The following AKIRIN2 variants were observed in gnomAD, a reference collection of about 807,000 sequenced individuals.
AKIRIN2 encodes the protein akirin 2, also known as akirin-2.
Under a neutral mutation model 29.3 loss-of-function variants are expected in AKIRIN2, and 6 were observed. That is an observed-to-expected ratio of 0.20 (90% CI 0.11 to 0.40). The LOEUF is 0.40. Ranked by LOEUF, AKIRIN2 falls within the 10% of genes least tolerant of loss-of-function variation. AKIRIN2 has a pLI of 1.00. For missense variants in AKIRIN2, 210 were observed against 276.1 expected, an observed-to-expected ratio of 0.76 and a Z score of 1.70; for synonymous variants, 128 against 117.5, an observed-to-expected ratio of 1.09 and a Z score of -0.58.
intron 3 of AKIRIN2, 131 bp from the exon 4 acceptor site, chr6:87,676,062 A>AT (rs1345365221): frequency 2.9e-5 from 20 of 680,512 alleles, no homozygotes; most frequent in Middle Eastern, 8.2e-4. Context: ...AGTAGTACTA[A>AT]TAGTGTATCA....
chr6:87,694,929 T>G (rs1318524430), intron 1 of AKIRIN2, among the ~76,000 whole-genome samples: 1 of 152,188 alleles, frequency 6.6e-6, no homozygotes, highest in African/African-American at 2.4e-5. Context: ...GCTGAAAAAC[T>G]AACATCCACT....
In AKIRIN2 at chr6:87,677,809, A is replaced by T. The variant is rs1451776729; in HGVS notation, c.529+9T>A. Reference sequence around the variant, plus strand: ...GTTCCTCAGAAACTCTAATAAACACACCTCATACCTGCAAGTTTTGTGTTC... The same window carrying T: ...GTTCCTCAGAAACTCTAATAAACACTCCTCATACCTGCAAGTTTTGTGTTC... On this transcript the variant is annotated intron_variant, in intron 3 of 4. Transcript: ENST00000257787. The T allele has an allele frequency of 1.2e-6, 2 of 1,611,032 alleles. No homozygotes were observed. The highest frequency in any genetic ancestry group is 2.7e-5 in the African/African-American group (2 of 74,792).
Position 87,701,445 on chromosome 6 carries a change from C to A in AKIRIN2, c.235+5G>T. 6.5e-7 allele frequency: 1 copy of A among 1,531,450 alleles called. No homozygotes were observed. The highest frequency in any genetic ancestry group is 1.2e-5 in the South Asian group (1 of 83,544). The allele number at this position is 1,531,450 out of a possible 1,614,324, so 94.9% of individuals were successfully genotyped here. ...TACCCCGGCGGCCGCGGGGCCGGGT[C>A]CCACCTGTGGTGAGGCGGGAGGAGA... On this transcript the variant is annotated splice_donor_5th_base_variant and intron_variant, in intron 1 of 4. Coordinates refer to ENST00000257787, the MANE Select transcript of AKIRIN2 (RefSeq NM_018064.4).
intron 1 of AKIRIN2, among the ~76,000 whole-genome samples, chr6:87,699,710 T>C (rs1771426891): frequency 6.6e-6 from 1 of 152,202 alleles, no homozygotes; most frequent in Non-Finnish European, 1.5e-5. Context: ...GATATGCCAA[T>C]GAAAAGTCGT....
chr6:87,695,842 A>C (rs932745063), intron 1 of AKIRIN2, among the ~76,000 whole-genome samples: 1 of 152,194 alleles, frequency 6.6e-6, no homozygotes, highest in East Asian at 1.9e-4. Flanking sequence ...TTCAAAACGA[A>C]AGCTTTCTAT....
chr6:87,696,733 C>T (rs1473807446), intron 1 of AKIRIN2, among the ~76,000 whole-genome samples: 1 of 146,592 alleles, frequency 6.8e-6, no homozygotes, highest in East Asian at 2.0e-4. Flanking sequence ...GGAGGCCAGG[C>T]GCGGTGGCTC....
At chr6:87,691,820 T>C (rs1006465874) in intron 1 of AKIRIN2, among the ~76,000 whole-genome samples, 1 of 152,226 alleles carries the variant, frequency 6.6e-6, no homozygotes, top group Non-Finnish European at 1.5e-5. Context: ...AGGAGCTGCT[T>C]GAGGCATGTC....
At chr6:87,680,772 C>CT (rs56332105) in intron 2 of AKIRIN2, among the ~76,000 whole-genome samples, 7 of 99,248 alleles carry the variant, frequency 7.1e-5, no homozygotes, top group South Asian at 3.5e-4. Flanking sequence ...CGCCCCCCCC[C>CT]TTTTTTTTTT....
intron 2 of AKIRIN2, among the ~76,000 whole-genome samples, chr6:87,681,087 G>C (rs1237667880): frequency 6.6e-6 from 1 of 152,052 alleles, no homozygotes; most frequent in Non-Finnish European, 1.5e-5. Context: ...GCCCAAGCTG[G>C]AGTGCAGTGG....
At chr6:87,677,709 C>T in intron 3 of AKIRIN2, 109 bp downstream of exon 3, 1 of 1,312,930 alleles carries the variant, frequency 7.6e-7, no homozygotes, top group Admixed American at 2.3e-5. Context: ...TTTTCTCATT[C>T]TCAGAGAATA....
chr6:87,690,088 C>T (rs1771254737), intron 1 of AKIRIN2, among the ~76,000 whole-genome samples: 1 of 151,910 alleles, frequency 6.6e-6, no homozygotes. Context: ...TGGCAGGAGC[C>T]TGTAATCCCA....
intron 2 of AKIRIN2, among the ~76,000 whole-genome samples, chr6:87,678,263 C>T (rs912009935): frequency 5.3e-5 from 8 of 152,000 alleles, no homozygotes; most frequent in Admixed American, 3.3e-4. Context: ...GTAATCAGGC[C>T]GAGGTGGGCG....
In AKIRIN2 at chr6:87,677,935, T is replaced by G; in HGVS notation, c.412A>C (p.Lys138Gln). ...TSSAASSPLKKEQPLFTLRQV... is the reference protein window; with the variant it reads ...TSSAASSPLKQEQPLFTLRQV... ...CGTAGAGTAAATAAGGGCTGTTCTT[T>G]TTTTAATGGTGAGGATGCTGCAGAT... Residue 138 changes from lysine (K) to glutamine (Q), a missense_variant, in exon 3 of 5, where the codon AAA becomes CAA. Lys to Gln is a moderately conservative substitution (Grantham distance 53). Coordinates refer to ENST00000257787, the MANE Select transcript of AKIRIN2 (RefSeq NM_018064.4). 5 of 1,614,046 alleles carry G rather than the reference T, an allele frequency of 3.1e-6. No homozygotes were observed. The highest frequency in any genetic ancestry group is 4.2e-6 in the Non-Finnish European group (5 of 1,179,978).
chr6:87,687,745 T>C (rs1428035480), intron 1 of AKIRIN2, among the ~76,000 whole-genome samples: 1 of 152,234 alleles, frequency 6.6e-6, no homozygotes, highest in Non-Finnish European at 1.5e-5. Context: ...ACCTCCAGCT[T>C]ATATTACACT....
chr6:87,698,587 T>C (rs1217978562), intron 1 of AKIRIN2, among the ~76,000 whole-genome samples: 1 of 152,330 alleles, frequency 6.6e-6, no homozygotes, highest in South Asian at 2.1e-4. Flanking sequence ...CTGAACAGCA[T>C]TTCTGAATTA....
chr6:87,679,254 T>C (rs934716030), intron 2 of AKIRIN2, among the ~76,000 whole-genome samples: 3 of 151,976 alleles, frequency 2.0e-5, no homozygotes, highest in Non-Finnish European at 4.4e-5. Flanking sequence ...GAACCTAGCT[T>C]GTGTGGTGGC....
intron 1 of AKIRIN2, among the ~76,000 whole-genome samples, chr6:87,697,838 A>G (rs534259628): frequency 1.6e-3 from 241 of 152,364 alleles, no homozygotes; most frequent in Non-Finnish European, 3.0e-3. Flanking sequence ...AGGCAGATTA[A>G]TGGTACCAAG....
intron 1 of AKIRIN2, among the ~76,000 whole-genome samples, chr6:87,694,153 G>A (rs1034576031): frequency 9.2e-5 from 14 of 152,044 alleles, no homozygotes; most frequent in Admixed American, 9.2e-4. Context: ...TTTTGAGGGA[G>A]TTTTACAAGA....
chr6:87,694,652 T>C (rs1196290994), intron 1 of AKIRIN2, among the ~76,000 whole-genome samples: 2 of 152,166 alleles, frequency 1.3e-5, no homozygotes, highest in Admixed American at 6.5e-5. Flanking sequence ...AAAATCACAA[T>C]AGCCACTAGT....
Sources: gnomAD v4.1 joint callset for allele counts (sites outside exome capture counted in the v4.1 genomes callset) on GRCh38, gnomAD v4.1.1 for gene constraint, MANE v1.5 for transcripts, NCBI Gene and HGNC (gene_info 2026-07-23, HGNC 2026-07-21) for gene names.